AGAP1: variants seen among roughly 807,000 people sequenced by gnomAD.
The protein encoded by AGAP1 is arf-GAP with GTPase, ANK repeat and PH domain-containing protein 1.
AGAP1 carries 29 observed loss-of-function variants against 105.3 expected under a neutral mutation model. The observed-to-expected ratio is 0.28, with a 90% CI of 0.21 to 0.38. The LOEUF (loss-of-function observed/expected upper bound fraction) is 0.38, where lower values mean the gene tolerates loss of function less well. AGAP1 is among the 10% of genes least tolerant of loss of function. The pLI is 1.00. For missense variants in AGAP1, 998 were observed against 1,165.1 expected (o/e 0.86, Z 2.09); for synonymous variants, 509 against 485.9 (o/e 1.05, Z -0.63).
intron 16 of AGAP1, among the ~76,000 whole-genome samples, chr2:236,115,236 G>T (rs550116672): frequency 1.3e-5 from 2 of 152,196 alleles, no homozygotes; most frequent in African/African-American, 4.8e-5. Flanking sequence ...CGTGACAGCC[G>T]CTGTTTGCAG....
In AGAP1 at chr2:235,894,638, C is replaced by CACACATACACACAA. The variant is rs1553667068; in HGVS notation, c.1155+11194_1155+11195insTACACACAAACACA. 4.6e-3 allele frequency among the ~76,000 whole-genome samples: 661 copies of CACACATACACACAA among 142,572 alleles called. 7 individuals are homozygous for CACACATACACACAA. The highest frequency in any genetic ancestry group is 0.016 in the African/African-American group (606 of 38,922). The allele number at this position is 142,572 out of a possible 152,430, so 93.5% of individuals were successfully genotyped here. A position where few individuals can be genotyped will look rare whatever the true frequency, so the allele number is the denominator to read the frequency against. On this transcript the variant is annotated intron_variant, in intron 10 of 17. Coordinates refer to ENST00000304032, the MANE Select transcript of AGAP1 (RefSeq NM_001037131.3). The stretch of plus-strand genomic sequence containing the variant: ...TTAAACATACACATGCACATGTACA[C>CACACATACACACAA]ACACACACACAGCTATGGGCACAAC...
intron 9 of AGAP1, among the ~76,000 whole-genome samples, chr2:235,844,158 G>A (rs954472552): frequency 3.3e-5 from 5 of 152,196 alleles, no homozygotes; most frequent in Non-Finnish European, 7.3e-5. Flanking sequence ...TGCCCCCACA[G>A]GCCTCCCCTG....
rs1289103939 is a variant in AGAP1, at chr2:235,864,565, G to T, written c.1051-18780G>T. On this transcript the variant is annotated intron_variant, in intron 9 of 17. Transcript: ENST00000304032. This position sits in a 1 kb window ranked among gnomAD's most constrained non-coding sequence, Gnocchi z 5.0. Reference sequence around the variant, plus strand: ...GCAGGTCAGCATGGAGGGGCAGCCTGCAGAGGTGTCACCAGCAGCCATTAA... The same window carrying T: ...GCAGGTCAGCATGGAGGGGCAGCCTTCAGAGGTGTCACCAGCAGCCATTAA... 6.6e-6 allele frequency among the ~76,000 whole-genome samples: 1 copy of T among 152,212 alleles called. No individual in the cohort carries two copies. Among genetic ancestry groups the T allele is most frequent in the East Asian group, 1.9e-4 (1 of 5,190 alleles).
chr2:235,761,105 C>G (rs1954400143), intron 6 of AGAP1, among the ~76,000 whole-genome samples: 1 of 152,146 alleles, frequency 6.6e-6, no homozygotes, highest in South Asian at 2.1e-4. Flanking sequence ...AATTTTGATT[C>G]TTTCAGAAAT....
chr2:236,000,783 C>T lies in AGAP1; in HGVS notation c.1645+32160C>T, dbSNP rs1025911343. On this transcript the variant is annotated intron_variant, in intron 13 of 17. Transcript: ENST00000304032. The surrounding 1 kb of genome is among the most constrained non-coding windows in gnomAD (Gnocchi z 4.3). ...TTGCAGTGAGGGCCACTAAGGGGGG[C>T]GGAGAAGACCCCTGACAGCAAGAAG... 2.6e-5 allele frequency among the ~76,000 whole-genome samples: 4 copies of T among 151,984 alleles called. No homozygotes were observed. Among genetic ancestry groups the T allele is most frequent in the African/African-American group, 4.8e-5 (2 of 41,368 alleles).
chr2:236,046,615 G>A lies in AGAP1; in HGVS notation c.1892-2444G>A, dbSNP rs1348151474. On this transcript the variant is annotated intron_variant, in intron 15 of 17. Coordinates refer to ENST00000304032, the MANE Select transcript of AGAP1 (RefSeq NM_001037131.3). The surrounding 1 kb of genome is among the most constrained non-coding windows in gnomAD (Gnocchi z 5.2). ...GGAGATTCTCCCAACTGAAATGTAC[G>A]TGGTCGTTGCGTATATAATAATTCA... Among the ~76,000 whole-genome samples, 5 of 152,154 alleles carry A rather than the reference G, an allele frequency of 3.3e-5. No homozygotes were observed. Among genetic ancestry groups the A allele is most frequent in the African/African-American group, 9.7e-5 (4 of 41,440 alleles).
chr2:235,895,567 G>A (rs2050762593), intron 10 of AGAP1, among the ~76,000 whole-genome samples: 1 of 152,086 alleles, frequency 6.6e-6, no homozygotes, highest in South Asian at 2.1e-4. Context: ...GCCTATTTGG[G>A]CACCCATGCT....
chr2:235,542,469 C>G (rs533088242), intron 1 of AGAP1, among the ~76,000 whole-genome samples: 2 of 152,120 alleles, frequency 1.3e-5, no homozygotes, highest in Non-Finnish European at 2.9e-5. Context: ...CCTCCATCAC[C>G]GAAAAAGAAA....
rs71039713 is a variant in AGAP1, at chr2:236,122,680, A to ATTTTTT, written c.2371-1224_2371-1219dup. On this transcript the variant is annotated intron_variant, in intron 17 of 17. Coordinates refer to ENST00000304032, the MANE Select transcript of AGAP1 (RefSeq NM_001037131.3). ...CCGGGCACTGTTTCTTCCAGTGACA[A>ATTTTTT]TTTTTTTTTTTTTTTTTTTTGAGAC... Among the ~76,000 whole-genome samples, 822 of 123,530 alleles carry ATTTTTT rather than the reference A, an allele frequency of 6.7e-3. 15 individuals carry two copies. Among genetic ancestry groups the ATTTTTT allele is most frequent in the Non-Finnish European group, 8.6e-3 (525 of 61,020 alleles). 81.0% of individuals were successfully genotyped at this position (123,530 alleles called of 152,430 possible).
At position 236,101,876 on chromosome 2, in the gene AGAP1, T is replaced by C. The variant is rs1019327860; in HGVS notation, c.2115-18316T>C. Among the ~76,000 whole-genome samples the C allele has an allele frequency of 1.2e-4, 18 of 152,260 alleles. No individual in the cohort carries two copies. Among genetic ancestry groups the C allele is most frequent in the Non-Finnish European group, 4.4e-5 (3 of 68,044 alleles). ...AAACAGTAGTTCACATTTTTTCTAA[T>C]GGTGAAGTACAGAAACTTCCATTCT... On this transcript the variant is annotated intron_variant, in intron 16 of 17. Coordinates refer to ENST00000304032, the MANE Select transcript of AGAP1 (RefSeq NM_001037131.3). The surrounding 1 kb of genome is among the most constrained non-coding windows in gnomAD (Gnocchi z 4.9).
intron 1 of AGAP1, among the ~76,000 whole-genome samples, chr2:235,606,000 C>T (rs2149245357): frequency 6.6e-6 from 1 of 152,354 alleles, no homozygotes; most frequent in East Asian, 1.9e-4. Context: ...GAATTTTCTA[C>T]ACTTTCTCCA....
intron 11 of AGAP1, among the ~76,000 whole-genome samples, chr2:235,924,175 T>C (rs541685151): frequency 1.3e-5 from 2 of 152,262 alleles, no homozygotes; most frequent in South Asian, 4.1e-4. Flanking sequence ...GGTAGTATCT[T>C]AAGGTAGTAT....
intron 1 of AGAP1, among the ~76,000 whole-genome samples, chr2:235,707,912 G>A (rs531747757): frequency 6.6e-6 from 1 of 151,124 alleles, no homozygotes; most frequent in East Asian, 2.0e-4. Flanking sequence ...CCCAGCCTGT[G>A]ACCTGGTGGG....
intron 9 of AGAP1, among the ~76,000 whole-genome samples, chr2:235,880,684 G>A (rs1169197956): frequency 1.3e-5 from 2 of 151,608 alleles, no homozygotes; most frequent in African/African-American, 2.4e-5. Context: ...AGCTTGCAGT[G>A]AGCTGAGATC....
intron 9 of AGAP1, among the ~76,000 whole-genome samples, chr2:235,810,854 T>TTTTTTTTA (rs61070151): frequency 6.8e-6 from 1 of 146,392 alleles, no homozygotes; most frequent in African/African-American, 2.5e-5. Flanking sequence ...TTTTTTTTTT[T>TTTTTTTTA]ACTAATAAGG....
chr2:236,060,291 T>C (rs1324209919), intron 16 of AGAP1, among the ~76,000 whole-genome samples: 1 of 152,130 alleles, frequency 6.6e-6, no homozygotes, highest in Non-Finnish European at 1.5e-5. Flanking sequence ...AATTAAAAAT[T>C]TTAGTGCTTC....
chr2:236,021,564 A>G (rs1336832704), intron 13 of AGAP1, among the ~76,000 whole-genome samples: 1 of 152,130 alleles, frequency 6.6e-6, no homozygotes, highest in Non-Finnish European at 1.5e-5. Context: ...AACAAGATAA[A>G]TCACCGCACG....
At position 235,754,184 on chromosome 2, in the gene AGAP1, C is replaced by T. The variant is rs752625306; in HGVS notation, c.673+3696C>T. Among the ~76,000 whole-genome samples, 1 of 152,158 alleles carries T rather than the reference C, an allele frequency of 6.6e-6. No individual in the cohort carries two copies. The highest frequency in any genetic ancestry group is 1.5e-5 in the Non-Finnish European group (1 of 68,036). The stretch of plus-strand genomic sequence containing the variant: ...CATTAAAATGGAAGCAAATCAGGTC[C>T]TGGGGCCTTAAGAACACACCAGCTT... On this transcript the variant is annotated intron_variant, in intron 6 of 17. Coordinates refer to ENST00000304032, the MANE Select transcript of AGAP1 (RefSeq NM_001037131.3). This position sits in a 1 kb window ranked among gnomAD's most constrained non-coding sequence, Gnocchi z 4.6.
chr2:235,888,264 A>G lies in AGAP1; in HGVS notation c.1155+4815A>G, dbSNP rs1025101842. Among the ~76,000 whole-genome samples the G allele has an allele frequency of 1.3e-5, 2 of 152,032 alleles. No individual in the cohort carries two copies. Among genetic ancestry groups the G allele is most frequent in the South Asian group, 2.1e-4 (1 of 4,806 alleles). On this transcript the variant is annotated intron_variant, in intron 10 of 17. Coordinates refer to ENST00000304032, the MANE Select transcript of AGAP1 (RefSeq NM_001037131.3). The surrounding 1 kb of genome is among the most constrained non-coding windows in gnomAD (Gnocchi z 4.8). ...ATTTGTTCTTTAGGATCAAACCGAG[A>G]AGGTGGAATCGAGGGTCTTTACCAC...
Sources: allele counts gnomAD v4.1 joint callset (sites outside exome capture counted in the v4.1 genomes callset), GRCh38; gene constraint gnomAD v4.1.1; non-coding constraint Gnocchi (gnomAD v3.1); transcripts MANE v1.5; gene names NCBI Gene and HGNC (gene_info 2026-07-23, HGNC 2026-07-21).